The following MAGI2 variants were observed in gnomAD, a reference collection of about 807,000 sequenced individuals.
MAGI2 encodes the protein membrane associated guanylate kinase, WW and PDZ domain containing 2.
MAGI2 carries 35 observed loss-of-function variants against 133.3 expected under a neutral mutation model. That is an observed-to-expected ratio of 0.26 (90% confidence interval 0.20 to 0.35). The LOEUF is 0.35. MAGI2 is among the 10% of genes least tolerant of loss of function. The probability of loss-of-function intolerance (pLI) is 1.00; values close to 1 mark genes in which losing one functional copy is unlikely to be tolerated. For synonymous variants in MAGI2, 729 were observed against 710.6 expected (o/e 1.03, Z -0.41); for missense variants, 1,636 against 1,863.4 (o/e 0.88, Z 2.25).
At chr7:79,066,740 A>C (rs948675322) in intron 1 of MAGI2, among the ~76,000 whole-genome samples, 1 of 152,058 alleles carries the variant, frequency 6.6e-6, no homozygotes, top group African/African-American at 2.4e-5. Flanking sequence ...TTATGGTTTC[A>C]GGTCTTATGT....
chr7:79,376,285 AAGAT>A (rs1445781775), intron 1 of MAGI2, among the ~76,000 whole-genome samples: 3 of 151,936 alleles, frequency 2.0e-5, no homozygotes, highest in Admixed American at 1.3e-4. Context: ...AACTAACAAT[AAGAT>A]AGAACAATTA....
intron 1 of MAGI2, among the ~76,000 whole-genome samples, chr7:79,184,889 T>A (rs1826941860): frequency 6.7e-6 from 1 of 149,648 alleles, no homozygotes; most frequent in Non-Finnish European, 1.5e-5. Flanking sequence ...ATTCATAACC[T>A]CCTTTCCTCA....
At chr7:78,471,016 C>A (rs974012578) in intron 6 of MAGI2, among the ~76,000 whole-genome samples, 1 of 152,114 alleles carries the variant, frequency 6.6e-6, no homozygotes, top group Non-Finnish European at 1.5e-5. Flanking sequence ...ATATCTTGTT[C>A]TTGCCTAAGA....
chr7:78,457,200 T>C (rs1242180149), intron 6 of MAGI2, among the ~76,000 whole-genome samples: 2 of 152,220 alleles, frequency 1.3e-5, no homozygotes, highest in East Asian at 3.9e-4. Flanking sequence ...CTTGTAGCAA[T>C]TGGCACATAG....
At chr7:79,177,317 T>C (rs1826187565) in intron 1 of MAGI2, 2 of 151,982 alleles carry the variant, frequency 1.3e-5, no homozygotes, top group African/African-American at 4.8e-5. Flanking sequence ...AAAGTGAAAA[T>C]ACACACATGA....
intron 1 of MAGI2, among the ~76,000 whole-genome samples, chr7:79,263,957 A>G (rs1165933701): frequency 6.6e-6 from 1 of 152,192 alleles, no homozygotes; most frequent in Non-Finnish European, 1.5e-5. Context: ...CTGATCCCCA[A>G]TCTCAAACAA....
At chr7:78,991,272 C>T (rs1805746837) in intron 2 of MAGI2, among the ~76,000 whole-genome samples, 1 of 148,952 alleles carries the variant, frequency 6.7e-6, no homozygotes, top group African/African-American at 2.5e-5. Context: ...TATTCAGTTT[C>T]AGTATTTTTA....
At chr7:78,686,452 G>A (rs1289818352) in intron 2 of MAGI2, among the ~76,000 whole-genome samples, 5 of 151,100 alleles carry the variant, frequency 3.3e-5, no homozygotes, top group African/African-American at 1.2e-4. Context: ...TGTAATTTGT[G>A]TCCCTATAAT....
At chr7:79,145,502 C>CA (rs1018533074) in intron 1 of MAGI2, among the ~76,000 whole-genome samples, 57 of 150,718 alleles carry the variant, frequency 3.8e-4, no homozygotes, top group Non-Finnish European at 6.5e-4. Flanking sequence ...CAAGCATCTG[C>CA]AAAAAAAGAG....
At chr7:79,415,892 C>G (rs1459459270) in intron 1 of MAGI2, among the ~76,000 whole-genome samples, 1 of 152,056 alleles carries the variant, frequency 6.6e-6, no homozygotes, top group South Asian at 2.1e-4. Flanking sequence ...ACAGAACTGG[C>G]CTGGGTCGGG....
chr7:78,020,488 G>A (rs905329707), intron 21 of MAGI2, among the ~76,000 whole-genome samples: 6 of 152,168 alleles, frequency 3.9e-5, no homozygotes, highest in Admixed American at 3.9e-4. Flanking sequence ...GCCTAGCAGG[G>A]GTGTCCAATC....
intron 6 of MAGI2, among the ~76,000 whole-genome samples, chr7:78,400,781 G>A (rs1416162020): frequency 5.9e-5 from 9 of 152,054 alleles, no homozygotes; most frequent in Admixed American, 1.3e-4. Context: ...TTGGTAGGAC[G>A]GCTAACTTAT....
intron 1 of MAGI2, among the ~76,000 whole-genome samples, chr7:79,378,965 T>TATAC (rs1843586379): frequency 2.1e-5 from 2 of 94,838 alleles, no homozygotes. Context: ...TATATATATA[T>TATAC]ATATATTAAA....
intron 10 of MAGI2, among the ~76,000 whole-genome samples, chr7:78,226,340 T>C (rs890779216): frequency 4.2e-4 from 54 of 129,818 alleles, no homozygotes; most frequent in African/African-American, 1.4e-3. Flanking sequence ...AAAAAAAAAG[T>C]GGCCAGCAGG....
At chr7:78,493,711 T>C (rs577262717) in intron 5 of MAGI2, among the ~76,000 whole-genome samples, 2 of 152,280 alleles carry the variant, frequency 1.3e-5, no homozygotes, top group Admixed American at 1.3e-4. Context: ...TTTCACTCCC[T>C]GGAATAGTAA....
chr7:78,408,235 G>A (rs1420643083), intron 6 of MAGI2, among the ~76,000 whole-genome samples: 2 of 151,966 alleles, frequency 1.3e-5, no homozygotes, highest in South Asian at 2.1e-4. Flanking sequence ...AAATCGAGGT[G>A]GAATGGCTAA....
intron 2 of MAGI2, among the ~76,000 whole-genome samples, chr7:78,864,762 C>A (rs914243214): frequency 1.3e-5 from 2 of 152,068 alleles, no homozygotes; most frequent in Non-Finnish European, 2.9e-5. Flanking sequence ...ACTTTTATTG[C>A]CTTTTCTCCT....
chr7:78,992,577 G>A (rs532646417), intron 2 of MAGI2, among the ~76,000 whole-genome samples: 13 of 151,740 alleles, frequency 8.6e-5, no homozygotes, highest in African/African-American at 2.7e-4. Flanking sequence ...TGGCCTATTT[G>A]GATACCTAAA....
intron 2 of MAGI2, among the ~76,000 whole-genome samples, chr7:78,903,002 T>C (rs1797719289): frequency 6.6e-6 from 1 of 152,016 alleles, no homozygotes; most frequent in Non-Finnish European, 1.5e-5. Flanking sequence ...ATTCTATTAC[T>C]AGCTGACCTG....
Sources: gnomAD v4.1 joint callset for allele counts (sites outside exome capture counted in the v4.1 genomes callset) on GRCh38, gnomAD v4.1.1 for gene constraint, MANE v1.5 for transcripts, NCBI Gene and HGNC (gene_info 2026-07-23, HGNC 2026-07-21) for gene names.